The following XXYLT1 variants were observed in gnomAD, a reference collection of about 807,000 sequenced individuals.
XXYLT1 encodes the protein UDP-xylose:alpha-xyloside alpha-1,3-xylosyltransferase.
XXYLT1 carries 20 observed loss-of-function variants against 28.9 expected under a neutral mutation model. That is an observed-to-expected ratio of 0.69 (90% confidence interval 0.49 to 1.00). XXYLT1 has a LOEUF of 1.00. XXYLT1 is among the 50% of genes least tolerant of loss of function. The pLI is 0.00. For synonymous variants in XXYLT1, 257 were observed against 253.8 expected, an observed-to-expected ratio of 1.01 and a Z score of -0.12; for missense variants, 542 against 560.1, an observed-to-expected ratio of 0.97 and a Z score of 0.33.
chr3:195,112,274 C>T (rs539950544), intron 3 of XXYLT1, among the ~76,000 whole-genome samples: 48 of 152,170 alleles, frequency 3.2e-4, no homozygotes, highest in Non-Finnish European at 5.9e-4. Context: ...TGGGCAAACA[C>T]GGGTTTCGCT....
intron 3 of XXYLT1, among the ~76,000 whole-genome samples, chr3:195,106,657 G>T (rs1717111601): frequency 6.6e-6 from 1 of 152,238 alleles, no homozygotes; most frequent in Non-Finnish European, 1.5e-5. Flanking sequence ...GAGCGGGAGG[G>T]GCCTGGGGCG....
intron 2 of XXYLT1, among the ~76,000 whole-genome samples, chr3:195,202,165 A>G (rs1722886235): frequency 6.6e-6 from 1 of 152,138 alleles, no homozygotes; most frequent in African/African-American, 2.4e-5. Flanking sequence ...CAACAGAGTG[A>G]GACTCCGTCT....
intron 2 of XXYLT1, among the ~76,000 whole-genome samples, chr3:195,163,587 T>G (rs1577097171): frequency 3.3e-5 from 5 of 152,364 alleles, no homozygotes; most frequent in Admixed American, 3.3e-4. Context: ...ATAAAACTCC[T>G]TCCCATGCTT....
At chr3:195,073,706 C>T (rs1714957525) in intron 3 of XXYLT1, among the ~76,000 whole-genome samples, 1 of 152,110 alleles carries the variant, frequency 6.6e-6, no homozygotes, top group Admixed American at 6.5e-5. Context: ...CAAGGAGGCC[C>T]TTTGGGAAAA....
In XXYLT1 at chr3:195,257,301, G is replaced by A. The variant is rs1012612295; in HGVS notation, c.504+13254C>T. On this transcript the variant is annotated intron_variant, in intron 1 of 3. Transcript: ENST00000310380. The surrounding 1 kb of genome is among the most constrained non-coding windows in gnomAD (Gnocchi z 4.3). ...CAGTCTTACCCATGCCAGGCCCTGC[G>A]CCACTACATCCTGGAGACACAGAAT... Among the ~76,000 whole-genome samples, 18 of 152,042 alleles carry A rather than the reference G, an allele frequency of 1.2e-4. No homozygotes were observed. Among genetic ancestry groups the A allele is most frequent in the Non-Finnish European group, 2.5e-4 (17 of 68,002 alleles).
At chr3:195,242,225 C>T (rs1181848380) in intron 1 of XXYLT1, among the ~76,000 whole-genome samples, 3 of 152,180 alleles carry the variant, frequency 2.0e-5, no homozygotes, top group African/African-American at 7.2e-5. Context: ...GCATCTCCCC[C>T]GGGCATGTCA....
At chr3:195,117,926 C>T (rs1331186151) in intron 3 of XXYLT1, among the ~76,000 whole-genome samples, 1 of 152,246 alleles carries the variant, frequency 6.6e-6, no homozygotes, top group Non-Finnish European at 1.5e-5. Flanking sequence ...GAAATTCACT[C>T]TGCTCAGGGC....
At chr3:195,154,927 G>T (rs1412757369) in intron 3 of XXYLT1, among the ~76,000 whole-genome samples, 1 of 152,174 alleles carries the variant, frequency 6.6e-6, no homozygotes, top group Non-Finnish European at 1.5e-5. Context: ...ACCTCCCTCT[G>T]TTGGACCAAG....
intron 3 of XXYLT1, among the ~76,000 whole-genome samples, chr3:195,107,559 G>GA (rs1257222692): frequency 0.084 from 515 of 6,158 alleles, 96 homozygotes; most frequent in Non-Finnish European, 0.11. Flanking sequence ...GGGGGAAGAG[G>GA]GGGAGAGGAG....
intron 3 of XXYLT1, among the ~76,000 whole-genome samples, chr3:195,101,676 C>A (rs1195262986): frequency 6.6e-6 from 1 of 151,466 alleles, no homozygotes; most frequent in Non-Finnish European, 1.5e-5. Context: ...AAAAATACAT[C>A]TGAGCCGGGT....
At chr3:195,205,684 A>C (rs940966778) in intron 2 of XXYLT1, among the ~76,000 whole-genome samples, 1 of 152,190 alleles carries the variant, frequency 6.6e-6, no homozygotes, top group African/African-American at 2.4e-5. Context: ...GTAACATGAT[A>C]AAACCCTGTC....
intron 2 of XXYLT1, among the ~76,000 whole-genome samples, chr3:195,211,076 G>A (rs1046759410): frequency 6.6e-6 from 1 of 152,214 alleles, no homozygotes; most frequent in Non-Finnish European, 1.5e-5. Flanking sequence ...CACCCCCAAA[G>A]GTTCTCCAGT....
chr3:195,242,132 G>A (rs957912976), intron 1 of XXYLT1, among the ~76,000 whole-genome samples: 4 of 152,168 alleles, frequency 2.6e-5, no homozygotes, highest in African/African-American at 9.7e-5. Flanking sequence ...GAGAGGAGGG[G>A]CGATGGGACA....
intron 2 of XXYLT1, among the ~76,000 whole-genome samples, chr3:195,157,242 CAAA>C (rs34312884): frequency 0.036 from 2,643 of 73,706 alleles, 55 homozygotes; most frequent in African/African-American, 0.12. Flanking sequence ...GGCGCCATCT[CAAA>C]AAAAAAAAAA....
intron 2 of XXYLT1, among the ~76,000 whole-genome samples, chr3:195,188,635 T>C (rs939071970): frequency 6.6e-6 from 1 of 152,222 alleles, no homozygotes; most frequent in Non-Finnish European, 1.5e-5. Context: ...TTGTCTCCTA[T>C]GAGGAGCCAA....
chr3:195,270,775 C>G lies in XXYLT1; in HGVS notation c.284G>C (p.Gly95Ala). The part of the protein sequence containing the change: ...KAKSLEGGGA[G>A]PVDYHLLMMF... ...CATCAGCAGGTGGTAGTCCACCGGC[C>G]CGGCACCGCCGCCCTCCAAGCTCTT... The change falls in exon 1 of 4, where the codon GGG becomes GCG. Residue 95 changes from glycine (G) to alanine (A), a missense_variant. Physicochemically the swap from Gly to Ala is moderately conservative, Grantham distance 60. Coordinates refer to ENST00000310380, the MANE Select transcript of XXYLT1 (RefSeq NM_152531.5). 6.4e-7 allele frequency: 1 copy of G among 1,573,228 alleles called. No individual in the cohort carries two copies. Among genetic ancestry groups the G allele is most frequent in the Non-Finnish European group, 8.6e-7 (1 of 1,164,920 alleles).
At chr3:195,205,403 T>C (rs1271106715) in intron 2 of XXYLT1, among the ~76,000 whole-genome samples, 1 of 152,178 alleles carries the variant, frequency 6.6e-6, no homozygotes, top group African/African-American at 2.4e-5. Flanking sequence ...AAAAGGCCTA[T>C]CTCAAAAGGT....
At chr3:195,156,413 G>A (rs1560125393) in intron 3 of XXYLT1, 36 bp downstream of exon 3, 5 of 1,605,350 alleles carry the variant, frequency 3.1e-6, no homozygotes, top group Non-Finnish European at 3.4e-6. Context: ...GGTGGGGAGG[G>A]GTCGTGGAGG....
At chr3:195,130,476 T>G (rs1294753624) in intron 3 of XXYLT1, among the ~76,000 whole-genome samples, 1 of 152,204 alleles carries the variant, frequency 6.6e-6, no homozygotes, top group African/African-American at 2.4e-5. Context: ...ATTAAATAAA[T>G]GCTTTAACCA....
Sources: gnomAD v4.1 joint callset for allele counts (sites outside exome capture counted in the v4.1 genomes callset) on GRCh38, gnomAD v4.1.1 for gene constraint, Gnocchi (gnomAD v3.1) non-coding constraint, MANE v1.5 for transcripts, NCBI Gene and HGNC (gene_info 2026-07-23, HGNC 2026-07-21) for gene names.